Variants in DOCK1 observed in about 807,000 individuals in gnomAD.
DOCK1 encodes dedicator of cytokinesis 1.
In DOCK1, 138 loss-of-function variants were observed where a neutral mutation model predicts 262.7. That is an observed-to-expected ratio of 0.53 (90% CI 0.46 to 0.61). DOCK1 has a LOEUF of 0.61. Ranked by LOEUF, DOCK1 falls within the 20% of genes least tolerant of loss-of-function variation. The pLI is 0.00. For missense variants in DOCK1, 1,908 were observed against 2,370.7 expected (o/e 0.80, Z 4.05); for synonymous variants, 866 against 867.4 (o/e 1.00, Z 0.03).
At chr10:126,929,894 C>T (rs1310471128) in intron 1 of DOCK1, among the ~76,000 whole-genome samples, 1 of 152,206 alleles carries the variant, frequency 6.6e-6, no homozygotes, top group Non-Finnish European at 1.5e-5. Context: ...TGTGCAGCCA[C>T]CGCCACTGCG....
chr10:127,428,120 C>T (rs1023043068), intron 47 of DOCK1, among the ~76,000 whole-genome samples: 4 of 152,222 alleles, frequency 2.6e-5, no homozygotes, highest in Admixed American at 6.5e-5. Flanking sequence ...AGAAGCGTTT[C>T]GGAGTGCGTC....
chr10:127,047,581 C>T (rs374558201), intron 21 of DOCK1, among the ~76,000 whole-genome samples: 2 of 151,562 alleles, frequency 1.3e-5, no homozygotes, highest in South Asian at 2.1e-4. Flanking sequence ...TTTGTTTGGA[C>T]GGTTTTTGTA....
At chr10:127,009,561 A>G (rs1447355382) in intron 11 of DOCK1, among the ~76,000 whole-genome samples, 2 of 152,114 alleles carry the variant, frequency 1.3e-5, no homozygotes, top group Non-Finnish European at 2.9e-5. Context: ...TAATTGTAAG[A>G]GACAGCTTCC....
rs559788118 is a variant in DOCK1 at position 127,129,655 on chromosome 10, C to G, written c.2847+1891C>G. ...CGTTCCTGTCTTCTTGGAGTCGTGCCGCAGGTGCACTCTGCACAGTCTCAG... is the reference window on the plus strand; with the variant it reads ...CGTTCCTGTCTTCTTGGAGTCGTGCGGCAGGTGCACTCTGCACAGTCTCAG... On this transcript the variant is annotated intron_variant, in intron 27 of 51. Coordinates refer to ENST00000623213, the MANE Select transcript of DOCK1 (RefSeq NM_001290223.2). 9.8e-5 allele frequency among the ~76,000 whole-genome samples: 15 copies of G among 152,288 alleles called. No individual in the cohort carries two copies. The East Asian group carries it at 2.7e-3, about 28-fold the overall frequency.
intron 18 of DOCK1, among the ~76,000 whole-genome samples, chr10:127,037,423 C>T (rs2043711560): frequency 6.6e-6 from 1 of 152,248 alleles, no homozygotes; most frequent in Non-Finnish European, 1.5e-5. Flanking sequence ...TGCTCTGAAA[C>T]TGCCTTCCTG....
intron 27 of DOCK1, among the ~76,000 whole-genome samples, chr10:127,149,646 A>G (rs1312576873): frequency 1.3e-5 from 2 of 152,182 alleles, no homozygotes; most frequent in Admixed American, 1.3e-4. Context: ...TTTAAATGCA[A>G]GACAGGCAGG....
intron 23 of DOCK1, among the ~76,000 whole-genome samples, chr10:127,069,967 C>T (rs1429951760): frequency 1.3e-5 from 2 of 152,116 alleles, no homozygotes; most frequent in Admixed American, 1.3e-4. Flanking sequence ...AGGGCAGGTT[C>T]CTTTTGGCTG....
At chr10:127,058,270 C>G (rs559835851) in intron 22 of DOCK1, among the ~76,000 whole-genome samples, 2 of 152,132 alleles carry the variant, frequency 1.3e-5, no homozygotes, top group African/African-American at 2.4e-5. Flanking sequence ...TGGGGGCATA[C>G]AGATTTATAA....
chr10:127,226,889 G>T (rs543627751), intron 27 of DOCK1, among the ~76,000 whole-genome samples: 2 of 152,168 alleles, frequency 1.3e-5, no homozygotes, highest in Non-Finnish European at 2.9e-5. Context: ...ATGCTATTGC[G>T]TTCCCCACAG....
At chr10:127,244,495 T>A (rs1367475508) in intron 27 of DOCK1, among the ~76,000 whole-genome samples, 1 of 152,196 alleles carries the variant, frequency 6.6e-6, no homozygotes, top group Admixed American at 6.5e-5. Flanking sequence ...TTATAGCAAT[T>A]TATGTTCCCA....
chr10:127,216,319 A>T lies in DOCK1; in HGVS notation c.2848-31689A>T, dbSNP rs1055547419. The stretch of plus-strand genomic sequence containing the variant: ...AAAGTGATAATTTAGTAAAAAAAAA[A>T]AAAAAAGAAAAAGAACAAACAAGCC... On this transcript the variant is annotated intron_variant, in intron 27 of 51. Transcript: ENST00000623213. Among the ~76,000 whole-genome samples, 22 of 152,142 alleles carry T rather than the reference A, an allele frequency of 1.4e-4. 1 individual carries two copies. The highest frequency in any genetic ancestry group is 5.3e-4 in the African/African-American group (22 of 41,540).
At chr10:127,021,902 C>T (rs74161528) in intron 13 of DOCK1, among the ~76,000 whole-genome samples, 7,186 of 152,106 alleles carry the variant, frequency 0.047, 566 homozygotes, top group African/African-American at 0.16. Flanking sequence ...CCTTGGTCTT[C>T]AGCCAGAATG....
intron 13 of DOCK1, among the ~76,000 whole-genome samples, chr10:127,021,925 T>C (rs920400564): frequency 1.3e-5 from 2 of 152,140 alleles, no homozygotes; most frequent in African/African-American, 2.4e-5. Flanking sequence ...CATTTGCTGC[T>C]CTTGACGGAA....
rs766379230 is a variant in DOCK1 at position 127,175,534 on chromosome 10, G to A, written c.2847+47770G>A. ...CCGTTGAGATGTGTGGCTCTCCTCC[G>A]CTCGTCATCTGCCGGGCAGAGTGAC... is the stretch of plus-strand genomic sequence containing the variant. On this transcript the variant is annotated intron_variant, in intron 27 of 51. Transcript: ENST00000623213. The surrounding 1 kb of genome is among the most constrained non-coding windows in gnomAD (Gnocchi z 6.3). 14 of 1,610,276 alleles carry A rather than the reference G, an allele frequency of 8.7e-6. No individual in the cohort carries two copies. The highest frequency in any genetic ancestry group is 1.2e-5 in the Non-Finnish European group (14 of 1,179,994).
intron 24 of DOCK1, among the ~76,000 whole-genome samples, chr10:127,107,870 C>A (rs1355903809): frequency 2.0e-5 from 3 of 152,244 alleles, no homozygotes; most frequent in African/African-American, 7.2e-5. Context: ...GCACACAGAT[C>A]AGCTCCGCAC....
intron 49 of DOCK1, 75 bp downstream of exon 49, chr10:127,439,300 G>C (rs1035289535): frequency 2.1e-5 from 31 of 1,454,400 alleles, no homozygotes; most frequent in Middle Eastern, 3.5e-4. Flanking sequence ...GTAGCCAACA[G>C]GGCTGACGGT....
At chr10:127,219,949 C>T (rs1173523056) in intron 27 of DOCK1, among the ~76,000 whole-genome samples, 5 of 152,120 alleles carry the variant, frequency 3.3e-5, no homozygotes, top group Non-Finnish European at 5.9e-5. Flanking sequence ...ACAGGATAGT[C>T]TTACTTACAG....
chr10:127,021,056 T>C lies in DOCK1; in HGVS notation c.1328-2144T>C, dbSNP rs562114868. ...GTTCCTTCTTCCCCAGAATGTTCTG[T>C]AACCTGGGGAGGCATTTGATGAGGG... On this transcript the variant is annotated intron_variant, in intron 13 of 51. Transcript: ENST00000623213. 1.4e-3 allele frequency among the ~76,000 whole-genome samples: 220 copies of C among 152,310 alleles called. 1 individual carries two copies. Among genetic ancestry groups the C allele is most frequent in the Non-Finnish European group, 2.6e-3 (174 of 68,020 alleles).
At chr10:127,141,861 G>T (rs1371957494) in intron 27 of DOCK1, among the ~76,000 whole-genome samples, 1 of 152,148 alleles carries the variant, frequency 6.6e-6, no homozygotes, top group African/African-American at 2.4e-5. Context: ...GGAGTCTGTG[G>T]CCTGGTTCTA....
Sources: gnomAD v4.1 joint callset for allele counts (sites outside exome capture counted in the v4.1 genomes callset) on GRCh38, gnomAD v4.1.1 for gene constraint, Gnocchi (gnomAD v3.1) non-coding constraint, MANE v1.5 for transcripts, NCBI Gene and HGNC (gene_info 2026-07-23, HGNC 2026-07-21) for gene names.